Variants in EML1 observed in about 807,000 individuals in gnomAD.
The protein encoded by EML1 is echinoderm microtubule-associated protein-like 1.
Under a neutral mutation model 110.4 loss-of-function variants are expected in EML1, and 27 were observed. That is an observed-to-expected ratio of 0.24 (90% CI 0.18 to 0.34). The LOEUF (loss-of-function observed/expected upper bound fraction) is 0.34, where lower values mean the gene tolerates loss of function less well. Ranked by LOEUF, EML1 falls within the 10% of genes least tolerant of loss-of-function variation. The pLI, the probability that EML1 is intolerant of heterozygous loss-of-function variation, is 1.00. For synonymous variants in EML1, 344 were observed against 385.8 expected (o/e 0.89, Z 1.27); for missense variants, 741 against 1,030.9 (o/e 0.72, Z 3.85).
intron 1 of EML1, among the ~76,000 whole-genome samples, chr14:99,762,939 G>A (rs2057330105): frequency 6.6e-6 from 1 of 152,186 alleles, no homozygotes; most frequent in South Asian, 2.1e-4. Flanking sequence ...CTACGTATGT[G>A]TGTGATATGC....
At chr14:99,901,406 T>TC (rs1280282547) in intron 9 of EML1, among the ~76,000 whole-genome samples, 7 of 152,060 alleles carry the variant, frequency 4.6e-5, no homozygotes, top group African/African-American at 1.7e-4. Context: ...TGGAAAGGGG[T>TC]CCCGATCCAG....
chr14:99,777,079 G>C (rs949530782), intron 1 of EML1, among the ~76,000 whole-genome samples: 5 of 152,208 alleles, frequency 3.3e-5, no homozygotes, highest in African/African-American at 1.2e-4. Context: ...CTCTTCAGCT[G>C]TCCCAGCAGC....
chr14:99,770,018 C>CACTTTGCTT (rs1398549415), upstream of EML1, among the ~76,000 whole-genome samples: 1 of 152,194 alleles, frequency 6.6e-6, no homozygotes, highest in Non-Finnish European at 1.5e-5. Context: ...TTACTTTGCT[C>CACTTTGCTT]ACTTTGCTTT....
intron 1 of EML1, among the ~76,000 whole-genome samples, chr14:99,746,597 C>G (rs972398368): frequency 5.9e-5 from 9 of 152,112 alleles, no homozygotes; most frequent in African/African-American, 2.2e-4. Flanking sequence ...CCCAGCATCT[C>G]TCTGGAGTGG....
At position 99,756,938 on chromosome 14, in the gene EML1, C is replaced by T. The variant is rs566919103; in HGVS notation, c.28+19078C>T. Among the ~76,000 whole-genome samples, 23 of 152,314 alleles carry T rather than the reference C, an allele frequency of 1.5e-4. No individual in the cohort carries two copies. In the South Asian group the frequency reaches 2.5e-3, roughly 16 times the overall value. ...GCATGGACTCACATCCACAAGGATG[C>T]GCGTGCTCCTGTGCCCACAATGACA... On this transcript the variant is annotated intron_variant, in intron 1 of 10. Transcript: ENST00000554479.
intron 1 of EML1, among the ~76,000 whole-genome samples, chr14:99,757,322 G>C (rs2057267398): frequency 6.7e-6 from 1 of 148,696 alleles, no homozygotes; most frequent in Non-Finnish European, 1.5e-5. Context: ...CTGGGCGACA[G>C]AGCACGACTC....
intron 11 of EML1, 32 bp from the exon 12 acceptor site, chr14:99,910,208 AAT>A (rs768825418): frequency 3.6e-6 from 5 of 1,394,398 alleles, no homozygotes; most frequent in Non-Finnish European, 4.0e-6. Context: ...GTATGGATTA[AAT>A]ATATATATAA....
chr14:99,869,416 ACTC>A (rs1044406723), intron 3 of EML1, among the ~76,000 whole-genome samples: 2 of 151,140 alleles, frequency 1.3e-5, no homozygotes, highest in African/African-American at 4.9e-5. Flanking sequence ...TTGTGTCCTG[ACTC>A]CTCTGCCCAT....
rs1015230641 is a variant in EML1, at chr14:99,936,147, T to C, written c.2007+21T>C. 6.2e-7 allele frequency: 1 copy of C among 1,613,700 alleles called. No homozygotes were observed. Among genetic ancestry groups the C allele is most frequent in the African/African-American group, 1.3e-5 (1 of 74,922 alleles). ...GCTCGGTAAGCGCTGACAGTGGACC[T>C]GTCGCTTCTCATGCACTGCGTATAG... On this transcript the variant is annotated intron_variant, in intron 18 of 21. Transcript: ENST00000262233. The surrounding 1 kb of genome is among the most constrained non-coding windows in gnomAD (Gnocchi z 5.5).
chr14:99,838,930 T>TGGGTGTGTGTGTGTGTGTGCGC (rs35886892), intron 1 of EML1: 1 of 148,488 alleles, frequency 6.7e-6, no homozygotes, highest in Non-Finnish European at 1.5e-5. Flanking sequence ...TGTGTGTGTG[T>TGGGTGTGTGTGTGTGTGTGCGC]GCGCGCGCGC....
intron 2 of EML1, among the ~76,000 whole-genome samples, chr14:99,853,672 T>G (rs570868605): frequency 6.6e-6 from 1 of 152,258 alleles, no homozygotes; most frequent in South Asian, 2.1e-4. Context: ...CACATGACAT[T>G]CTTATTTTTA....
At chr14:99,826,382 G>A (rs1484926252) in intron 1 of EML1, among the ~76,000 whole-genome samples, 1 of 152,054 alleles carries the variant, frequency 6.6e-6, no homozygotes, top group Non-Finnish European at 1.5e-5. Context: ...CACAGTGCTG[G>A]GATTACAGGC....
intron 9 of EML1, among the ~76,000 whole-genome samples, chr14:99,902,085 A>G (rs564120584): frequency 1.3e-5 from 2 of 152,310 alleles, no homozygotes; most frequent in African/African-American, 4.8e-5. Flanking sequence ...GCTCAGTCAG[A>G]AGACGTCAGT....
At chr14:99,847,427 T>C (rs1445684011) in intron 1 of EML1, among the ~76,000 whole-genome samples, 1 of 152,198 alleles carries the variant, frequency 6.6e-6, no homozygotes, top group Admixed American at 6.5e-5. Context: ...CATAGTTCAC[T>C]GTAGACCTGA....
intron 1 of EML1, among the ~76,000 whole-genome samples, chr14:99,818,380 A>T (rs2058204129): frequency 2.0e-5 from 3 of 152,214 alleles, no homozygotes; most frequent in Non-Finnish European, 4.4e-5. Flanking sequence ...GTGGATATTT[A>T]GAAGATATTT....
chr14:99,848,635 C>T (rs2058741731), intron 1 of EML1, among the ~76,000 whole-genome samples: 1 of 151,948 alleles, frequency 6.6e-6, no homozygotes, highest in Non-Finnish European at 1.5e-5. Flanking sequence ...CATTATAAAT[C>T]CTGTAAGACA....
At chr14:99,737,990 C>T (rs749591448) in intron 1 of EML1, 14 of 978,338 alleles carry the variant, frequency 1.4e-5, no homozygotes, top group Middle Eastern at 4.0e-4. Flanking sequence ...CCTTGCCCGA[C>T]GCCTGGGGGG....
intron 2 of EML1, among the ~76,000 whole-genome samples, 153 bp downstream of exon 2, chr14:99,851,188 C>T (rs966034409): frequency 2.6e-5 from 4 of 152,092 alleles, no homozygotes; most frequent in Admixed American, 6.5e-5. Flanking sequence ...AATCACACGA[C>T]GTATGATAGT....
intron 19 of EML1, 130 bp from the exon 20 acceptor site, chr14:99,937,687 G>A (rs2060500177): frequency 1.4e-6 from 1 of 723,560 alleles, no homozygotes. Context: ...CTGCCCGACT[G>A]GGAAGTGGAA....
Sources: allele counts gnomAD v4.1 joint callset (sites outside exome capture counted in the v4.1 genomes callset), GRCh38; gene constraint gnomAD v4.1.1; non-coding constraint Gnocchi (gnomAD v3.1); transcripts MANE v1.5; gene names NCBI Gene and HGNC (gene_info 2026-07-23, HGNC 2026-07-21).